Variants in MYRFL observed in about 807,000 individuals in gnomAD.
The protein encoded by MYRFL is myelin regulatory factor-like protein.
A neutral mutation model predicts 109.4 loss-of-function variants in MYRFL; 88 were observed. That is an observed-to-expected ratio of 0.80 (90% CI 0.68 to 0.96). The LOEUF (loss-of-function observed/expected upper bound fraction) is 0.96, where lower values mean the gene tolerates loss of function less well. Ranked by LOEUF, MYRFL falls within the 40% of genes least tolerant of loss-of-function variation. The pLI, the probability that MYRFL is intolerant of heterozygous loss-of-function variation, is 0.00. For missense variants in MYRFL, 957 were observed against 954.9 expected, an observed-to-expected ratio of 1.00 and a Z score of -0.03; for synonymous variants, 324 against 320.9, an observed-to-expected ratio of 1.01 and a Z score of -0.10.
intron 2 of MYRFL, among the ~76,000 whole-genome samples, chr12:69,878,036 A>T (rs890557626): frequency 1.1e-4 from 16 of 152,318 alleles, no homozygotes; most frequent in African/African-American, 3.9e-4. Flanking sequence ...TAAGGTCAGG[A>T]GTTCAAGACC....
At chr12:69,889,485 AC>A (rs1450580788) in intron 6 of MYRFL, among the ~76,000 whole-genome samples, 1 of 152,076 alleles carries the variant, frequency 6.6e-6, no homozygotes, top group Non-Finnish European at 1.5e-5. Context: ...ATTGTATTAT[AC>A]TTACCCTAAT....
intron 2 of MYRFL, among the ~76,000 whole-genome samples, chr12:69,864,340 A>G (rs911065992): frequency 4.2e-4 from 63 of 150,964 alleles, no homozygotes; most frequent in African/African-American, 1.5e-3. Flanking sequence ...TTTTTTTTTC[A>G]ATCTTTTTTC....
chr12:69,956,432 A>T (rs1343329952), intron 22 of MYRFL, among the ~76,000 whole-genome samples: 1 of 152,218 alleles, frequency 6.6e-6, no homozygotes, highest in Non-Finnish European at 1.5e-5. Flanking sequence ...GATATTTTAA[A>T]TGATTATGGC....
intron 19 of MYRFL, among the ~76,000 whole-genome samples, chr12:69,943,551 T>TA (rs1174971898): frequency 1.8e-4 from 27 of 151,380 alleles, no homozygotes; most frequent in Non-Finnish European, 3.1e-4. Flanking sequence ...ATTAAAGACT[T>TA]ACATGTTAGA....
At chr12:69,860,716 T>A (rs189701362) in intron 2 of MYRFL, among the ~76,000 whole-genome samples, 81 of 152,198 alleles carry the variant, frequency 5.3e-4, no homozygotes, top group African/African-American at 1.8e-3. Flanking sequence ...TTTTAAACTC[T>A]TCATATAGAT....
At chr12:69,885,681 T>C (rs908822130) in intron 5 of MYRFL, among the ~76,000 whole-genome samples, 2 of 152,192 alleles carry the variant, frequency 1.3e-5, no homozygotes, top group Admixed American at 1.3e-4. Context: ...TTAGGAGGCA[T>C]ACTCAAATTA....
At chr12:69,936,702 T>C in intron 19 of MYRFL, 70 bp downstream of exon 19, 1 of 1,351,580 alleles carries the variant, frequency 7.4e-7, no homozygotes, top group Non-Finnish European at 9.8e-7. Context: ...ACAATTTACT[T>C]AGATGGTCAT....
intron 1 of MYRFL, among the ~76,000 whole-genome samples, chr12:69,853,375 G>A (rs146963411): frequency 0.11 from 16,295 of 148,604 alleles, 1,189 homozygotes; most frequent in Middle Eastern, 0.18. Flanking sequence ...GCTGCCGGGC[G>A]GAGGGGCTCC....
At chr12:69,925,408 T>C (rs1461108660) in intron 13 of MYRFL, among the ~76,000 whole-genome samples, 1 of 152,206 alleles carries the variant, frequency 6.6e-6, no homozygotes, top group Admixed American at 6.5e-5. Context: ...TTCGAAACCC[T>C]CAAAGCTTCA....
intron 1 of MYRFL, among the ~76,000 whole-genome samples, chr12:69,832,966 G>C: frequency 6.6e-6 from 1 of 151,370 alleles, no homozygotes; most frequent in East Asian, 1.9e-4. Flanking sequence ...GTGTGTGTGT[G>C]TGTGTGTGTG....
intron 19 of MYRFL, among the ~76,000 whole-genome samples, chr12:69,944,779 A>G (rs1955780697): frequency 6.6e-6 from 1 of 152,186 alleles, no homozygotes; most frequent in Non-Finnish European, 1.5e-5. Flanking sequence ...CCTAATGTAG[A>G]TGACGGGTTG....
intron 16 of MYRFL, among the ~76,000 whole-genome samples, chr12:69,935,025 C>G (rs1375986679): frequency 6.6e-6 from 1 of 152,198 alleles, no homozygotes; most frequent in Non-Finnish European, 1.5e-5. Context: ...CCTCTATTAA[C>G]TGGACCACAG....
chr12:69,930,051 T>G (rs967159949), intron 15 of MYRFL, among the ~76,000 whole-genome samples: 4 of 152,240 alleles, frequency 2.6e-5, no homozygotes, highest in African/African-American at 7.2e-5. Flanking sequence ...GCTCCCTCTG[T>G]GCTGACCTGC....
At chr12:69,925,096 G>A (rs1326620228) in intron 13 of MYRFL, among the ~76,000 whole-genome samples, 2 of 152,198 alleles carry the variant, frequency 1.3e-5, no homozygotes, top group African/African-American at 4.8e-5. Context: ...CATGCTTTGA[G>A]GACACTGTAG....
At chr12:69,943,820 C>T (rs1955744855) in intron 19 of MYRFL, among the ~76,000 whole-genome samples, 1 of 151,772 alleles carries the variant, frequency 6.6e-6, no homozygotes, top group South Asian at 2.1e-4. Context: ...CTACAATGAA[C>T]TCAAACACAT....
intron 8 of MYRFL, among the ~76,000 whole-genome samples, chr12:69,894,290 G>A (rs1464008889): frequency 6.6e-6 from 1 of 152,064 alleles, no homozygotes; most frequent in Non-Finnish European, 1.5e-5. Context: ...GAGCCACAGT[G>A]CCCTGCCATT....
intron 6 of MYRFL, among the ~76,000 whole-genome samples, chr12:69,888,519 A>G (rs571757690): frequency 6.6e-6 from 1 of 152,342 alleles, no homozygotes; most frequent in Non-Finnish European, 1.5e-5. Flanking sequence ...AATTGACTTT[A>G]TACTTAACTT....
At chr12:69,888,515 C>G (rs1224054268) in intron 6 of MYRFL, among the ~76,000 whole-genome samples, 1 of 152,080 alleles carries the variant, frequency 6.6e-6, no homozygotes, top group Non-Finnish European at 1.5e-5. Context: ...GTTTAATTGA[C>G]TTTATACTTA....
At chr12:69,875,668 C>A (rs758718623) in intron 2 of MYRFL, among the ~76,000 whole-genome samples, 4 of 152,124 alleles carry the variant, frequency 2.6e-5, no homozygotes, top group Non-Finnish European at 5.9e-5. Flanking sequence ...GCATTAGGAG[C>A]GGGAACCCTG....
Sources: gnomAD v4.1 joint callset for allele counts (sites outside exome capture counted in the v4.1 genomes callset) on GRCh38, gnomAD v4.1.1 for gene constraint, MANE v1.5 for transcripts, NCBI Gene and HGNC (gene_info 2026-07-23, HGNC 2026-07-21) for gene names.